SPTAN1: variants seen among roughly 807,000 people sequenced by gnomAD.
SPTAN1 encodes the protein spectrin alpha chain, non-erythrocytic 1.
SPTAN1 carries 61 observed loss-of-function variants against 331.3 expected under a neutral mutation model. That is an observed-to-expected ratio of 0.18 (90% CI 0.15 to 0.23). SPTAN1 has a LOEUF of 0.23. Among genes scored for constraint, SPTAN1 ranks in the 10% least tolerant of loss-of-function variants. The pLI, the probability that SPTAN1 is intolerant of heterozygous loss-of-function variation, is 1.00. For missense variants in SPTAN1, 2,043 were observed against 3,147.9 expected (o/e 0.65, Z 8.40); for synonymous variants, 1,153 against 1,173.9 (o/e 0.98, Z 0.36).
intron 51 of SPTAN1, 150 bp downstream of exon 51, chr9:128,628,092 A>T: frequency 1.0e-6 from 1 of 982,462 alleles, no homozygotes; most frequent in East Asian, 2.4e-5. Context: ...TCACCTGATG[A>T]GGAGTGTGTG....
rs1205483229 is a variant in SPTAN1 at position 128,626,558 on chromosome 9, G to A, written c.6447G>A (p.Gln2149=). The change falls in exon 49 of 57, where the codon CAG becomes CAA. Residue 2149 remains glutamine (Q), a synonymous_variant. Transcript: ENST00000372739. ...TCCGCTCCTCCCTCAGCTCTGCCCAGGCTGACTTCAACCAGCTGGCCGAGC... is the reference window on the plus strand; with the variant it reads ...TCCGCTCCTCCCTCAGCTCTGCCCAAGCTGACTTCAACCAGCTGGCCGAGC... ...DAFRSSLSSA[Q]ADFNQLAELD... The A allele has an allele frequency of 6.2e-7, 1 of 1,614,134 alleles. No homozygotes were observed. The highest frequency in any genetic ancestry group is 1.7e-5 in the Admixed American group (1 of 60,018).
chr9:128,611,934 GAC>G, intron 38 of SPTAN1, 89 bp downstream of exon 38: 1 of 1,607,878 alleles, frequency 6.2e-7, no homozygotes, highest in Non-Finnish European at 8.5e-7. Flanking sequence ...ACAGTCTTAA[GAC>G]ACTAAATGGA....
Position 128,605,290 on chromosome 9 carries a change from C to T in SPTAN1, c.3865-6C>T, listed in dbSNP as rs375222598. 5.0e-6 allele frequency: 8 copies of T among 1,614,126 alleles called. No homozygotes were observed. Among genetic ancestry groups the T allele is most frequent in the Admixed American group, 1.7e-5 (1 of 60,022 alleles). ...TGCAAGCTCATTCACCACTTTCTTC[C>T]CATAGGTAAACTCCCTTGGTGAAAC... On this transcript the variant is annotated splice_region_variant and splice_polypyrimidine_tract_variant and intron_variant, in intron 30 of 56. Coordinates refer to ENST00000372739, the MANE Select transcript of SPTAN1 (RefSeq NM_001130438.3).
chr9:128,630,587 T>C (rs1859550889), intron 52 of SPTAN1: 3 of 543,332 alleles, frequency 5.5e-6, no homozygotes. Context: ...TGGAGTGCAG[T>C]GGTGCGATAT....
intron 38 of SPTAN1, 129 bp from the exon 39 acceptor site, chr9:128,611,980 G>T: frequency 6.3e-7 from 1 of 1,599,798 alleles, no homozygotes; most frequent in Non-Finnish European, 8.6e-7. Flanking sequence ...TACAGATGGG[G>T]AATGCTAGTG....
At chr9:128,603,660 C>T in intron 28 of SPTAN1, 70 bp downstream of exon 28, 1 of 1,569,192 alleles carries the variant, frequency 6.4e-7, no homozygotes, top group South Asian at 1.1e-5. Context: ...CTGTCTACAG[C>T]AGAGCTCTTG....
chr9:128,609,591 G>C (rs1256109405), intron 36 of SPTAN1, 60 bp from the exon 37 acceptor site: 3 of 1,379,376 alleles, frequency 2.2e-6, no homozygotes, highest in Non-Finnish European at 3.0e-6. Flanking sequence ...CTATTTAATA[G>C]CTGATATGTG....
At position 128,574,974 on chromosome 9, in the gene SPTAN1, A is replaced by AGC. The variant is rs767942809; in HGVS notation, c.504+159_504+160insGC. 0.026 allele frequency among the ~76,000 whole-genome samples: 3,925 copies of AGC among 152,320 alleles called. 76 individuals carry two copies. Among genetic ancestry groups the AGC allele is most frequent in the Middle Eastern group, 0.048 (14 of 294 alleles). On this transcript the variant is annotated intron_variant, in intron 4 of 56. Transcript: ENST00000372739. ...GTCTCTCCAGCTGCTCTCTAGGTGT[A>AGC]TGTGCTATTCTGTAACTCTGAAGCC...
intron 30 of SPTAN1, 41 bp from the exon 31 acceptor site, chr9:128,605,255 A>G (rs749809951): frequency 6.2e-7 from 1 of 1,613,836 alleles, no homozygotes; most frequent in South Asian, 1.1e-5. Context: ...TGCAGAGCAT[A>G]CCCCCTTACT....
At chr9:128,561,673 A>AAAAAAAAAAAAAAAG (rs1849379910) in intron 1 of SPTAN1, among the ~76,000 whole-genome samples, 1 of 141,482 alleles carries the variant, frequency 7.1e-6, no homozygotes, top group African/African-American at 2.6e-5. Context: ...AAAAAAAAAA[A>AAAAAAAAAAAAAAAG]AAAAAAAAAA....
Position 128,582,490 on chromosome 9 carries a change from A to G in SPTAN1, c.1584A>G (p.Glu528=), listed in dbSNP as rs767443717. The G allele has an allele frequency of 1.2e-5, 20 of 1,614,064 alleles. No individual in the cohort carries two copies. The South Asian group carries it at 2.1e-4, about 17-fold the overall frequency. ...AQEEKITALD[E]FATKLIQNNH... is the part of the protein sequence containing the mutation. Reference sequence around the variant, plus strand: ...ATCTTCCTTCCTAGGCATTAGATGAATTTGCAACCAAGCTAATTCAGAACA... The same window carrying G: ...ATCTTCCTTCCTAGGCATTAGATGAGTTTGCAACCAAGCTAATTCAGAACA... The change falls in exon 13 of 57, where the codon GAA becomes GAG. Residue 528 remains glutamate, a synonymous_variant. Coordinates refer to ENST00000372739, the MANE Select transcript of SPTAN1 (RefSeq NM_001130438.3).
intron 1 of SPTAN1, among the ~76,000 whole-genome samples, chr9:128,560,065 A>G (rs1849116908): frequency 7.1e-6 from 1 of 140,608 alleles, no homozygotes; most frequent in Non-Finnish European, 1.5e-5. Flanking sequence ...AATGATTAAT[A>G]CATCCACATC....
intron 24 of SPTAN1, among the ~76,000 whole-genome samples, chr9:128,598,152 T>C (rs1564258546): frequency 6.6e-6 from 1 of 150,496 alleles, no homozygotes; most frequent in Non-Finnish European, 1.5e-5. Flanking sequence ...TTCTCCATGT[T>C]GGTTAGGTTG....
chr9:128,627,334 C>T lies in SPTAN1; in HGVS notation c.6577-52C>T. The T allele has an allele frequency of 6.7e-7, 1 of 1,492,218 alleles. No homozygotes were observed. The allele number at this position is 1,492,218 out of a possible 1,614,324, so 92.4% of individuals were successfully genotyped here. On this transcript the variant is annotated intron_variant, in intron 49 of 56. Transcript: ENST00000372739. The surrounding 1 kb of genome is among the most constrained non-coding windows in gnomAD (Gnocchi z 4.9). ...CCTGAGCCCATCTGTGAAGGAGGGGCTGGTGTCACTGCCACAGCAGCGCAC... is the reference window on the plus strand; with the variant it reads ...CCTGAGCCCATCTGTGAAGGAGGGGTTGGTGTCACTGCCACAGCAGCGCAC...
chr9:128,586,945 GT>G (rs1589227650), intron 19 of SPTAN1, among the ~76,000 whole-genome samples: 1 of 151,854 alleles, frequency 6.6e-6, no homozygotes, highest in African/African-American at 2.4e-5. Flanking sequence ...GGCCTCCTAA[GT>G]AGCTGGGATT....
At chr9:128,570,152 G>A (rs534242435) in intron 3 of SPTAN1, among the ~76,000 whole-genome samples, 19 of 151,768 alleles carry the variant, frequency 1.3e-4, no homozygotes, top group African/African-American at 4.6e-4. Context: ...AGTGAATGAG[G>A]CACCTCTGTA....
At chr9:128,563,004 A>G (rs1984180) in intron 1 of SPTAN1, among the ~76,000 whole-genome samples, 1 of 114,592 alleles carries the variant, frequency 8.7e-6, no homozygotes, top group East Asian at 2.9e-4. Context: ...ATATATATAT[A>G]TATATATATA....
At position 128,584,463 on chromosome 9, in the gene SPTAN1, A is replaced by G. The variant is rs1157679452; in HGVS notation, c.2375A>G (p.Asp792Gly). 3.1e-6 allele frequency: 5 copies of G among 1,614,024 alleles called. No individual in the cohort carries two copies. The highest frequency in any genetic ancestry group is 4.2e-6 in the Non-Finnish European group (5 of 1,179,968). Residue 792 changes from aspartate (D) to glycine (G), a missense_variant, in exon 17 of 57, where the codon GAT becomes GGT. Physicochemically the swap from Asp to Gly is moderately conservative, Grantham distance 94 (BLOSUM62 -1). Around this residue, in one of 12 missense-constraint regions of SPTAN1, gnomAD observed 1,038 missense variants for 1,531.5 expected, o/e 0.68. Transcript: ENST00000372739. ...DSLRLQQLFR[D>G]VEDEETWIRE... ...CTGCGGTTGCAGCAGCTCTTCCGGG[A>G]TGTTGAGGATGAGGAGACGTGGATT...
rs779393161 is a variant in SPTAN1 at position 128,618,970 on chromosome 9, C to T, written c.5700C>T (p.Ser1900=). 1.5e-5 allele frequency: 25 copies of T among 1,613,836 alleles called. 1 individual carries two copies. The South Asian group carries it at 2.1e-4, about 13-fold the overall frequency. ...WINEKMTLVA[S]EDYGDTLAAI... ...ATGAGAAAATGACCCTGGTGGCCAG[C>T]GAAGATTATGGCGACACTCTTGCCG... The change falls in exon 44 of 57, where the codon AGC becomes AGT. Residue 1900 remains serine (S), a synonymous_variant. Coordinates refer to ENST00000372739, the MANE Select transcript of SPTAN1 (RefSeq NM_001130438.3).
Sources: allele counts gnomAD v4.1 joint callset (sites outside exome capture counted in the v4.1 genomes callset), GRCh38; gene constraint gnomAD v4.1.1; regional missense constraint gnomAD v4.1.1; non-coding constraint Gnocchi (gnomAD v3.1); transcripts MANE v1.5; gene names NCBI Gene and HGNC (gene_info 2026-07-23, HGNC 2026-07-21).